The following COA7 variants were observed in gnomAD, a reference collection of about 807,000 sequenced individuals.
COA7 encodes Sel1 repeat containing 1.
COA7 carries 12 observed loss-of-function variants against 21.0 expected under a neutral mutation model. The observed-to-expected ratio is 0.57, with a 90% CI of 0.37 to 0.92. The LOEUF (loss-of-function observed/expected upper bound fraction) is 0.92, where lower values mean the gene tolerates loss of function less well. COA7 is among the 40% of genes least tolerant of loss of function. The pLI is 0.01. For synonymous variants in COA7, 95 were observed against 107.4 expected, an observed-to-expected ratio of 0.88 and a Z score of 0.72; for missense variants, 240 against 286.1, an observed-to-expected ratio of 0.84 and a Z score of 1.16.
rs1407728989 is a variant in COA7 at position 52,689,711 on chromosome 1, T to TA, written c.248-1544dup. Among the ~76,000 whole-genome samples, 3 of 151,302 alleles carry TA rather than the reference T, an allele frequency of 2.0e-5. No individual in the cohort carries two copies. The East Asian group carries it at 6.0e-4, about 30-fold the overall frequency. ...CTCAAGACCAGCCTGGCCAACATGG[T>TA]AAAACCCCATTTCTACAAAAATACA... On this transcript the variant is annotated intron_variant, in intron 2 of 2. Transcript: ENST00000371538.
rs141750724 is a variant in COA7, at chr1:52,691,453, T to C, written c.247+1274A>G. Among the ~76,000 whole-genome samples the C allele has an allele frequency of 3.9e-4, 58 of 149,008 alleles. No individual in the cohort carries two copies. The East Asian group carries it at 0.011, about 27-fold the overall frequency. On this transcript the variant is annotated intron_variant, in intron 2 of 2. Transcript: ENST00000371538. Reference sequence around the variant, plus strand: ...GCTGCCTGTCAAAGGTCCTATTACTTATTTATGTGTGTGTGTGTTTTTTTT... The same window carrying C: ...GCTGCCTGTCAAAGGTCCTATTACTCATTTATGTGTGTGTGTGTTTTTTTT...
In COA7 at chr1:52,687,603, T is replaced by G; in HGVS notation, c.*117A>C. 1 of 904,376 alleles carries G rather than the reference T, an allele frequency of 1.1e-6. No homozygotes were observed. 56.0% of individuals were successfully genotyped at this position (904,376 alleles called of 1,614,324 possible). A position where few individuals can be genotyped will look rare whatever the true frequency, so the allele number is the denominator to read the frequency against. ...GGATCCATGTAAATGGAGCTACAAA[T>G]TCAAGTCCCAAGTTTTTTTGCTCCA... On this transcript the variant is annotated 3_prime_UTR_variant, in exon 3 of 3. Coordinates refer to ENST00000371538, the MANE Select transcript of COA7 (RefSeq NM_023077.3).
Position 52,687,882 on chromosome 1 carries a change from G to T in COA7, c.534C>A (p.Ala178=), listed in dbSNP as rs550549955. The T allele has an allele frequency of 1.9e-5, 30 of 1,614,130 alleles. No individual in the cohort carries two copies. The highest frequency in any genetic ancestry group is 2.5e-5 in the Non-Finnish European group (30 of 1,180,062). Reference sequence around the variant, plus strand: ...AGGCCCAGATATGACCCAGGTCACAGGCTTTCATGGAGTATTTACATGCCA... The same window carrying T: ...AGGCCCAGATATGACCCAGGTCACATGCTTTCATGGAGTATTTACATGCCA... ...MDLACKYSMK[A]CDLGHIWACA... is the part of the protein sequence containing the mutation. Residue 178 remains alanine (A), a synonymous_variant, in exon 3 of 3, where the codon GCC becomes GCA. Transcript: ENST00000371538.
chr1:52,687,576 A>C lies in COA7; in HGVS notation c.*144T>G. On this transcript the variant is annotated 3_prime_UTR_variant, in exon 3 of 3. Transcript: ENST00000371538. ...AGGCTATACTCCAGTAGCTGGGGCA[A>C]TGGATCCATGTAAATGGAGCTACAA... 1.5e-5 allele frequency: 10 copies of C among 668,212 alleles called. No individual in the cohort carries two copies. Among genetic ancestry groups the C allele is most frequent in the Non-Finnish European group, 2.1e-5 (8 of 383,512 alleles). The allele number at this position is 668,212 out of a possible 1,614,324, so 41.4% of individuals were successfully genotyped here.
intron 1 of COA7, among the ~76,000 whole-genome samples, chr1:52,693,520 C>T (rs965582692): frequency 1.1e-4 from 16 of 151,402 alleles, no homozygotes; most frequent in Admixed American, 2.6e-4. Flanking sequence ...GCAGGAGAAT[C>T]GCTTGAACCC....
At chr1:52,697,995 C>T (rs1027769008) in intron 1 of COA7, 4 of 549,062 alleles carry the variant, frequency 7.3e-6, no homozygotes, top group East Asian at 3.1e-5. Context: ...GATCCCCAGT[C>T]CCTAACCCAA....
At chr1:52,696,427 C>T (rs369005399) in intron 1 of COA7, among the ~76,000 whole-genome samples, 19 of 151,822 alleles carry the variant, frequency 1.3e-4, no homozygotes, top group African/African-American at 4.6e-4. Flanking sequence ...CCACCTCAGC[C>T]TCCCAAAGTG....
rs774793912 is a variant in COA7 at position 52,692,857 on chromosome 1, C to T, written c.117G>A (p.Arg39=). ...GGATCCCTTCCAAATAGTCCACCAGCCGATAGCAACCTGCGAGAAGAGGGC... is the reference window on the plus strand; with the variant it reads ...GGATCCCTTCCAAATAGTCCACCAGTCGATAGCAACCTGCGAGAAGAGGGC... The part of the protein sequence containing the change: ...YHEKDPDGCY[R]LVDYLEGIRK... Residue 39 remains arginine, a synonymous_variant, in exon 2 of 3, where the codon CGG becomes CGA. Coordinates refer to ENST00000371538, the MANE Select transcript of COA7 (RefSeq NM_023077.3). The T allele has an allele frequency of 8.1e-6, 13 of 1,614,152 alleles. No individual in the cohort carries two copies. In the South Asian group the frequency reaches 1.3e-4, roughly 16 times the overall value.
At position 52,685,599 on chromosome 1, in the gene COA7, C is replaced by T. The variant is rs1286765082; in HGVS notation, c.*2121G>A. ...TGTGTTTTTTTGAGACAGAGTCTCA[C>T]TCTGTTACCTGGCTGGAGTGCAATG... On this transcript the variant is annotated 3_prime_UTR_variant, in exon 3 of 3. Coordinates refer to ENST00000371538, the MANE Select transcript of COA7 (RefSeq NM_023077.3). 1 of 152,068 alleles carries T rather than the reference C, an allele frequency of 6.6e-6. No individual in the cohort carries two copies. Among genetic ancestry groups the T allele is most frequent in the East Asian group, 1.9e-4 (1 of 5,174 alleles). 9.4% of individuals were successfully genotyped at this position (152,068 alleles called of 1,614,324 possible).
chr1:52,693,804 A>AC (rs1644064834), intron 1 of COA7, among the ~76,000 whole-genome samples: 1 of 151,916 alleles, frequency 6.6e-6, no homozygotes. Context: ...CCTCTTCTTT[A>AC]CCCCCAGTGA....
rs1052447789 is a variant in COA7 at position 52,685,133 on chromosome 1, A to G, written c.*2587T>C. 2 of 152,220 alleles carry G rather than the reference A, an allele frequency of 1.3e-5. No homozygotes were observed. The highest frequency in any genetic ancestry group is 2.4e-5 in the African/African-American group (1 of 41,466). The allele number at this position is 152,220 out of a possible 1,614,324, so 9.4% of individuals were successfully genotyped here. On this transcript the variant is annotated 3_prime_UTR_variant, in exon 3 of 3. Transcript: ENST00000371538. ...TTTTCAGTTCCTTCAGGTAAATACT[A>G]AAGAGCAAGATTGCTGGATCACATG...
intron 2 of COA7, among the ~76,000 whole-genome samples, chr1:52,692,112 T>C (rs111568836): frequency 1.6e-3 from 243 of 152,276 alleles, no homozygotes; most frequent in African/African-American, 5.4e-3. Flanking sequence ...CATCTTAGAA[T>C]TGGAAACTCC....
rs988153284 is a variant in COA7 at position 52,698,282 on chromosome 1, G to C, written c.45C>G (p.Ser15=). The change falls in exon 1 of 3, where the codon TCC becomes TCG. Residue 15 remains serine, a synonymous_variant. Transcript: ENST00000371538. ...VDFQDEEQVK[S]FLENMEVECN... The stretch of plus-strand genomic sequence containing the variant: ...ACTCCACCTCCATGTTCTCCAAAAA[G>C]GACTTGACCTGCTCCTCATCCTGGA... The C allele has an allele frequency of 6.2e-7, 1 of 1,612,946 alleles. No homozygotes were observed. The highest frequency in any genetic ancestry group is 8.5e-7 in the Non-Finnish European group (1 of 1,179,862).
At chr1:52,690,023 T>C (rs1273652802) in intron 2 of COA7, among the ~76,000 whole-genome samples, 1 of 120,672 alleles carries the variant, frequency 8.3e-6, no homozygotes. Context: ...CATAACTCTG[T>C]CTCAAAAAAA....
At chr1:52,690,667 C>CATTTATTTATTTATTT (rs59584460) in intron 2 of COA7, among the ~76,000 whole-genome samples, 61 of 149,616 alleles carry the variant, frequency 4.1e-4, no homozygotes, top group African/African-American at 1.4e-3. Context: ...CATTTATTTA[C>CATTTATTTATTTATTT]ATTTATTTAT....
chr1:52,691,104 G>A (rs1228529447), intron 2 of COA7, among the ~76,000 whole-genome samples: 1 of 151,582 alleles, frequency 6.6e-6, no homozygotes, highest in Non-Finnish European at 1.5e-5. Context: ...CCCTGTCTCG[G>A]GACCCTGTCT....
intron 1 of COA7, chr1:52,697,774 G>A (rs1644094911): frequency 6.5e-6 from 1 of 154,216 alleles, no homozygotes; most frequent in Non-Finnish European, 1.4e-5. Flanking sequence ...GGGTTTCACC[G>A]TGTTAGCCAG....
chr1:52,691,834 A>G (rs1424437745), intron 2 of COA7, among the ~76,000 whole-genome samples: 1 of 152,150 alleles, frequency 6.6e-6, no homozygotes, highest in African/African-American at 2.4e-5. Context: ...AAGAAGTGGA[A>G]TTTAAGTCCT....
Position 52,684,528 on chromosome 1 carries a change from T to C in COA7, c.*3192A>G, listed in dbSNP as rs916491473. 1.3e-5 allele frequency: 2 copies of C among 152,176 alleles called. No homozygotes were observed. Among genetic ancestry groups the C allele is most frequent in the Non-Finnish European group, 2.9e-5 (2 of 68,044 alleles). The allele number at this position is 152,176 out of a possible 1,614,324, so 9.4% of individuals were successfully genotyped here. On this transcript the variant is annotated 3_prime_UTR_variant, in exon 3 of 3. Coordinates refer to ENST00000371538, the MANE Select transcript of COA7 (RefSeq NM_023077.3). The stretch of plus-strand genomic sequence containing the variant: ...TGAGAGGGTACAGAGATTTCCCATA[T>C]AGTTGTTGTCCCCACACATGCATAG...
Sources: gnomAD v4.1 joint callset for allele counts (sites outside exome capture counted in the v4.1 genomes callset) on GRCh38, gnomAD v4.1.1 for gene constraint, MANE v1.5 for transcripts, NCBI Gene and HGNC (gene_info 2026-07-23, HGNC 2026-07-21) for gene names.